The following FHIT variants were observed in gnomAD, a reference collection of about 807,000 sequenced individuals.
FHIT encodes bis(5'-adenosyl)-triphosphatase.
In FHIT, 19 loss-of-function variants were observed where a neutral mutation model predicts 17.9. The ratio of observed to expected loss-of-function variants is 1.06; its 90% CI spans 0.74 to 1.56. FHIT has a LOEUF of 1.56. Ranked by LOEUF, FHIT falls within the 40% of genes most tolerant of loss-of-function variation. The pLI is 0.00. For synonymous variants in FHIT, 81 were observed against 69.7 expected (o/e 1.16, Z -0.81); for missense variants, 248 against 189.2 (o/e 1.31, Z -1.82).
In FHIT at chr3:60,637,103, G is replaced by C. The variant is rs1210338318; in HGVS notation, c.-17-100124C>G. Among the ~76,000 whole-genome samples the C allele has an allele frequency of 2.0e-5, 3 of 151,950 alleles. No individual in the cohort carries two copies. The East Asian group carries it at 5.8e-4, about 29-fold the overall frequency. ...TTCAACCCTCTGAGTCACTGCAAAA[G>C]AATCCCCTTCATTAAAACTAGTTCT... On this transcript the variant is annotated intron_variant, in intron 4 of 9. Coordinates refer to ENST00000492590, the MANE Select transcript of FHIT (RefSeq NM_002012.4).
At chr3:60,529,655 A>T (rs1348404370) in intron 5 of FHIT, among the ~76,000 whole-genome samples, 1 of 152,200 alleles carries the variant, frequency 6.6e-6, no homozygotes, top group Admixed American at 6.5e-5. Flanking sequence ...AGCAGGTCAA[A>T]AATATGCCCA....
chr3:60,963,322 T>A lies in FHIT; in HGVS notation c.-111+78725A>T, dbSNP rs188717247. ...GCATCTATTTGATTCTTCTCTCTTTTCTTCTTTATTAGTCTTGCTAGTGGT... is the reference window on the plus strand; with the variant it reads ...GCATCTATTTGATTCTTCTCTCTTTACTTCTTTATTAGTCTTGCTAGTGGT... On this transcript the variant is annotated intron_variant, in intron 3 of 9. Coordinates refer to ENST00000492590, the MANE Select transcript of FHIT (RefSeq NM_002012.4). 9.8e-3 allele frequency among the ~76,000 whole-genome samples: 1,496 copies of A among 152,348 alleles called. 14 individuals are homozygous for A. Among genetic ancestry groups the A allele is most frequent in the Non-Finnish European group, 0.017 (1,175 of 68,020 alleles).
In FHIT at chr3:61,189,102, G is replaced by A. The variant is rs548318196; in HGVS notation, c.-164+11515C>T. On this transcript the variant is annotated intron_variant, in intron 2 of 9. Transcript: ENST00000492590. The stretch of plus-strand genomic sequence containing the variant: ...GGCCAGGGCGATCAGGCAGGAGAAG[G>A]AAATAAAGGGTATTGAATTAGGAAA... Among the ~76,000 whole-genome samples, 47 of 152,252 alleles carry A rather than the reference G, an allele frequency of 3.1e-4. 1 individual carries two copies. The highest frequency in any genetic ancestry group is 2.7e-3 in the Admixed American group (41 of 15,300).
At chr3:61,232,007 A>C (rs547680518) in intron 1 of FHIT, among the ~76,000 whole-genome samples, 7 of 152,162 alleles carry the variant, frequency 4.6e-5, no homozygotes, top group Non-Finnish European at 1.0e-4. Flanking sequence ...TGCACCAATA[A>C]AAGGAGTGAG....
chr3:60,405,342 A>AG (rs975215468), intron 5 of FHIT, among the ~76,000 whole-genome samples: 5 of 152,292 alleles, frequency 3.3e-5, no homozygotes, highest in African/African-American at 1.2e-4. Context: ...CACACCACTC[A>AG]GCATGCACTC....
At chr3:60,322,126 C>A (rs985090944) in intron 5 of FHIT, among the ~76,000 whole-genome samples, 1 of 152,142 alleles carries the variant, frequency 6.6e-6, no homozygotes, top group African/African-American at 2.4e-5. Context: ...ATAGAAATAC[C>A]GTGGGCCCAA....
At chr3:60,931,150 TG>T (rs1707929376) in intron 3 of FHIT, among the ~76,000 whole-genome samples, 1 of 146,066 alleles carries the variant, frequency 6.8e-6, no homozygotes, top group Non-Finnish European at 1.5e-5. Flanking sequence ...CACTCATAGC[TG>T]GGAATTGAAC....
At chr3:60,664,768 T>A (rs1290563692) in intron 4 of FHIT, among the ~76,000 whole-genome samples, 5 of 151,448 alleles carry the variant, frequency 3.3e-5, no homozygotes, top group African/African-American at 1.2e-4. Flanking sequence ...TATATGAGTG[T>A]AAAGTTGTTC....
chr3:60,103,970 G>C (rs1704298668), intron 5 of FHIT, among the ~76,000 whole-genome samples: 1 of 152,146 alleles, frequency 6.6e-6, no homozygotes, highest in Non-Finnish European at 1.5e-5. Context: ...TTCTGAAGCA[G>C]AAAGGAAGTA....
At chr3:60,309,289 A>C (rs1229966719) in intron 5 of FHIT, among the ~76,000 whole-genome samples, 1 of 151,970 alleles carries the variant, frequency 6.6e-6, no homozygotes, top group Non-Finnish European at 1.5e-5. Context: ...CCTTATTACA[A>C]GGGTGGGTGG....
chr3:60,716,244 A>G (rs1463222751), intron 4 of FHIT, among the ~76,000 whole-genome samples: 2 of 152,028 alleles, frequency 1.3e-5, no homozygotes, highest in Non-Finnish European at 2.9e-5. Flanking sequence ...GACTGTCTCA[A>G]TAAAACTTAC....
chr3:60,913,171 C>T (rs542016033), intron 3 of FHIT, among the ~76,000 whole-genome samples: 15 of 152,318 alleles, frequency 9.8e-5, no homozygotes, highest in Middle Eastern at 3.4e-3. Flanking sequence ...GAAGAAAACA[C>T]GACTTGCCCA....
intron 3 of FHIT, among the ~76,000 whole-genome samples, chr3:60,897,700 C>T (rs1489774744): frequency 2.0e-5 from 3 of 152,142 alleles, no homozygotes; most frequent in African/African-American, 7.2e-5. Flanking sequence ...TCTGCAGGCC[C>T]TTCATTTCCT....
intron 5 of FHIT, among the ~76,000 whole-genome samples, chr3:60,203,905 G>C (rs1167957660): frequency 1.3e-5 from 2 of 152,106 alleles, no homozygotes; most frequent in South Asian, 2.1e-4. Flanking sequence ...AATTGAACTT[G>C]TGAAGACAGA....
intron 3 of FHIT, among the ~76,000 whole-genome samples, chr3:61,027,719 T>G (rs1427335154): frequency 3.3e-5 from 5 of 152,198 alleles, no homozygotes; most frequent in Non-Finnish European, 7.3e-5. Context: ...AGAAAGATGA[T>G]TATTCATCAG....
chr3:60,253,038 TAATAA>T lies in FHIT; in HGVS notation c.104-238891_104-238887del, dbSNP rs1016675449. Among the ~76,000 whole-genome samples the T allele has an allele frequency of 6.4e-4, 97 of 151,958 alleles. 1 individual carries two copies. Among genetic ancestry groups the T allele is most frequent in the Middle Eastern group, 6.8e-3 (2 of 292 alleles). ...ATAAATAATAAAAAATAAAAACAAA[TAATAA>T]AATAAAAAACACTGTGGCCTCATCG... On this transcript the variant is annotated intron_variant, in intron 5 of 9. Transcript: ENST00000492590.
chr3:60,373,594 C>T (rs527364828), intron 5 of FHIT, among the ~76,000 whole-genome samples: 5 of 152,030 alleles, frequency 3.3e-5, no homozygotes, highest in Middle Eastern at 3.4e-3. Context: ...GTGTATAAGC[C>T]GTCTCCCTAG....
chr3:60,132,054 G>A (rs1238697911), intron 5 of FHIT, among the ~76,000 whole-genome samples: 1 of 152,104 alleles, frequency 6.6e-6, no homozygotes, highest in Non-Finnish European at 1.5e-5. Flanking sequence ...GATTTGGAGT[G>A]CTCTCTCTCC....
chr3:60,781,359 C>T (rs1457821803), intron 4 of FHIT, among the ~76,000 whole-genome samples: 2 of 152,106 alleles, frequency 1.3e-5, no homozygotes, highest in African/African-American at 4.8e-5. Context: ...ATTTCTGCAC[C>T]AGTCAAGAAG....
Sources: gnomAD v4.1 joint callset for allele counts (sites outside exome capture counted in the v4.1 genomes callset) on GRCh38, gnomAD v4.1.1 for gene constraint, MANE v1.5 for transcripts, NCBI Gene and HGNC (gene_info 2026-07-23, HGNC 2026-07-21) for gene names.